PARD3: variants seen among roughly 807,000 people sequenced by gnomAD.
PARD3 encodes partitioning defective 3 homolog.
PARD3 carries 75 observed loss-of-function variants against 155.4 expected under a neutral mutation model. The observed-to-expected ratio is 0.48, with a 90% CI of 0.40 to 0.58. The LOEUF is 0.58. PARD3 is among the 20% of genes least tolerant of loss of function. The probability of loss-of-function intolerance (pLI) is 0.00; values close to 1 mark genes in which losing one functional copy is unlikely to be tolerated. For missense variants in PARD3, 1,642 were observed against 1,721.7 expected, an observed-to-expected ratio of 0.95 and a Z score of 0.82; for synonymous variants, 576 against 610.5, an observed-to-expected ratio of 0.94 and a Z score of 0.83.
chr10:34,596,018 A>G (rs770968440), intron 2 of PARD3, among the ~76,000 whole-genome samples: 1 of 152,228 alleles, frequency 6.6e-6, no homozygotes, highest in Non-Finnish European at 1.5e-5. Flanking sequence ...CTTGTATTGC[A>G]TACCAACTTT....
chr10:34,192,505 G>A (rs967512259), intron 22 of PARD3, among the ~76,000 whole-genome samples: 7 of 152,118 alleles, frequency 4.6e-5, no homozygotes, highest in Non-Finnish European at 1.0e-4. Context: ...TATTTCTTCA[G>A]TACTTTGCTT....
intron 2 of PARD3, among the ~76,000 whole-genome samples, chr10:34,524,542 C>CTT (rs1278569446): frequency 6.6e-6 from 1 of 152,168 alleles, no homozygotes; most frequent in Admixed American, 6.6e-5. Context: ...AACTAATAGC[C>CTT]TTGAGTATGT....
At chr10:34,650,634 T>C (rs183869104) in intron 2 of PARD3, among the ~76,000 whole-genome samples, 89 of 152,182 alleles carry the variant, frequency 5.8e-4, no homozygotes, top group Admixed American at 1.2e-3. Flanking sequence ...TCATAATCAA[T>C]TCACACATGA....
intron 3 of PARD3, among the ~76,000 whole-genome samples, chr10:34,489,834 C>T (rs1296353891): frequency 6.6e-6 from 1 of 152,200 alleles, no homozygotes; most frequent in Non-Finnish European, 1.5e-5. Flanking sequence ...ATCAAATCCT[C>T]AGAATAAGGC....
At chr10:34,175,628 A>G (rs1004965079) in intron 22 of PARD3, among the ~76,000 whole-genome samples, 1 of 152,220 alleles carries the variant, frequency 6.6e-6, no homozygotes, top group Admixed American at 6.5e-5. Context: ...TATTTTATTT[A>G]GACATTCAAG....
intron 5 of PARD3, among the ~76,000 whole-genome samples, chr10:34,438,925 G>A (rs1589577322): frequency 6.6e-6 from 1 of 152,130 alleles, no homozygotes; most frequent in Admixed American, 6.5e-5. Context: ...AAGCCAGGCT[G>A]GTGCCACAAT....
intron 22 of PARD3, among the ~76,000 whole-genome samples, chr10:34,167,210 ATAGACC>A (rs1430076902): frequency 3.7e-4 from 57 of 152,220 alleles, no homozygotes; most frequent in African/African-American, 1.4e-3. Context: ...AAGTATTCAT[ATAGACC>A]TTACCTCCAA....
chr10:34,790,028 C>A (rs111414341), intron 1 of PARD3, among the ~76,000 whole-genome samples: 29 of 152,200 alleles, frequency 1.9e-4, no homozygotes, highest in Non-Finnish European at 3.4e-4. Flanking sequence ...AGGAGCAGAC[C>A]GTTTGAATCA....
chr10:34,501,465 C>A (rs1049083154), intron 3 of PARD3, among the ~76,000 whole-genome samples: 1 of 152,092 alleles, frequency 6.6e-6, no homozygotes, highest in Non-Finnish European at 1.5e-5. Flanking sequence ...GAACAGTGAG[C>A]CAATGAAAGT....
At chr10:34,439,708 C>A (rs1201546810) in intron 5 of PARD3, among the ~76,000 whole-genome samples, 1 of 150,874 alleles carries the variant, frequency 6.6e-6, no homozygotes, top group African/African-American at 2.4e-5. Context: ...CCACCTGCCT[C>A]AGCCTCCCAA....
At chr10:34,585,964 C>CA (rs1293356781) in intron 2 of PARD3, among the ~76,000 whole-genome samples, 1 of 151,882 alleles carries the variant, frequency 6.6e-6, no homozygotes, top group African/African-American at 2.4e-5. Flanking sequence ...TCCACTTATT[C>CA]AAAAAATGCA....
chr10:34,791,050 A>T (rs12263621), intron 1 of PARD3, among the ~76,000 whole-genome samples: 3,287 of 152,318 alleles, frequency 0.022, 118 homozygotes, highest in African/African-American at 0.075. Context: ...AAAAAAGACA[A>T]GTGCAGCCCA....
rs10603866 is a variant in PARD3 at position 34,720,448 on chromosome 10, C to CAAAAA, written c.121-24034_121-24030dup. 1.2e-3 allele frequency among the ~76,000 whole-genome samples: 68 copies of CAAAAA among 56,868 alleles called. 9 individuals are homozygous for CAAAAA. Among genetic ancestry groups the CAAAAA allele is most frequent in the African/African-American group, 4.4e-3 (65 of 14,676 alleles). 37.3% of individuals were successfully genotyped at this position (56,868 alleles called of 152,430 possible). A position where few individuals can be genotyped will look rare whatever the true frequency, so the allele number is the denominator to read the frequency against. On this transcript the variant is annotated intron_variant, in intron 1 of 24. Transcript: ENST00000374788. Reference sequence around the variant, plus strand: ...CCTGGGCAACAGAGCAAGGCTCTGTCAAAAAAAAAAAAAAAAAAAAAAAAA... The same window carrying CAAAAA: ...CCTGGGCAACAGAGCAAGGCTCTGTCAAAAAAAAAAAAAAAAAAAAAAAAAAAAAA...
At chr10:34,779,522 G>A (rs1421931554) in intron 1 of PARD3, among the ~76,000 whole-genome samples, 1 of 151,980 alleles carries the variant, frequency 6.6e-6, no homozygotes, top group Non-Finnish European at 1.5e-5. Context: ...TCGGGAGGCT[G>A]AGGCAGAAGA....
intron 3 of PARD3, among the ~76,000 whole-genome samples, chr10:34,477,058 TA>T (rs2078758941): frequency 6.6e-6 from 1 of 152,180 alleles, no homozygotes; most frequent in Admixed American, 6.5e-5. Flanking sequence ...CTCGGATGAA[TA>T]AAACATGATC....
chr10:34,265,265 C>T (rs1179428085), intron 22 of PARD3, among the ~76,000 whole-genome samples: 2 of 152,180 alleles, frequency 1.3e-5, no homozygotes, highest in Non-Finnish European at 2.9e-5. Context: ...TGGCATGATG[C>T]TATCTTATAA....
chr10:34,348,776 G>A (rs1352947532), intron 14 of PARD3, among the ~76,000 whole-genome samples: 5 of 152,000 alleles, frequency 3.3e-5, no homozygotes, highest in East Asian at 3.8e-4. Context: ...TATGAAAATC[G>A]GGACCAAATA....
intron 3 of PARD3, 49 bp from the exon 4 acceptor site, chr10:34,470,312 A>T: frequency 7.3e-7 from 1 of 1,361,096 alleles, no homozygotes; most frequent in South Asian, 1.5e-5. Context: ...TAATGTTGGT[A>T]AACTACATGT....
intron 1 of PARD3, among the ~76,000 whole-genome samples, chr10:34,740,797 T>C (rs900276184): frequency 4.6e-5 from 7 of 152,232 alleles, no homozygotes; most frequent in Non-Finnish European, 1.0e-4. Flanking sequence ...CTTCACAGCA[T>C]AAAAAAATTG....
Sources: gnomAD v4.1 joint callset for allele counts (sites outside exome capture counted in the v4.1 genomes callset) on GRCh38, gnomAD v4.1.1 for gene constraint, MANE v1.5 for transcripts, NCBI Gene and HGNC (gene_info 2026-07-23, HGNC 2026-07-21) for gene names.